The following COTL1 variants were observed in gnomAD, a reference collection of about 807,000 sequenced individuals.
COTL1 encodes coactosin like F-actin binding protein 1, also known as coactosin-like protein.
A neutral mutation model predicts 16.5 loss-of-function variants in COTL1; 15 were observed. That is an observed-to-expected ratio of 0.91 (90% CI 0.61 to 1.40). COTL1 has a LOEUF of 1.40. Among genes scored for constraint, COTL1 ranks in the 40% most tolerant of loss-of-function variants. COTL1 has a pLI of 0.00. For missense variants in COTL1, 220 were observed against 201.5 expected (o/e 1.09, Z -0.56); for synonymous variants, 112 against 85.3 (o/e 1.31, Z -1.73).
intron 3 of COTL1, among the ~76,000 whole-genome samples, chr16:84,578,042 C>T (rs1220029101): frequency 6.6e-6 from 1 of 152,150 alleles, no homozygotes; most frequent in Admixed American, 6.5e-5. Flanking sequence ...ACATACTCTC[C>T]TCTCTCCGGT....
intron 3 of COTL1, among the ~76,000 whole-genome samples, chr16:84,573,737 T>C (rs1383678989): frequency 1.4e-5 from 1 of 72,374 alleles, no homozygotes. Flanking sequence ...CGAAACTCTG[T>C]CTCAAAAAAA....
chr16:84,592,840 C>G (rs1159065940), intron 2 of COTL1, among the ~76,000 whole-genome samples: 1 of 152,114 alleles, frequency 6.6e-6, no homozygotes, highest in Non-Finnish European at 1.5e-5. Flanking sequence ...TCCATTTGTC[C>G]CCGGGAGCTA....
chr16:84,587,837 T>C (rs957869449), intron 3 of COTL1, among the ~76,000 whole-genome samples: 1 of 152,036 alleles, frequency 6.6e-6, no homozygotes, highest in African/African-American at 2.4e-5. Flanking sequence ...AAAGGCTAGA[T>C]CTTGGCTCAC....
chr16:84,585,330 G>C (rs28503369), intron 3 of COTL1, among the ~76,000 whole-genome samples: 1 of 149,412 alleles, frequency 6.7e-6, no homozygotes, highest in African/African-American at 2.5e-5. Context: ...ACTCCAGACT[G>C]GGTGACAGAG....
intron 2 of COTL1, among the ~76,000 whole-genome samples, chr16:84,615,305 C>T (rs954680573): frequency 6.6e-6 from 1 of 152,384 alleles, no homozygotes; most frequent in East Asian, 1.9e-4. Flanking sequence ...AGACACGCGC[C>T]ACTCCCCACT....
At chr16:84,603,910 C>T (rs1175854765) in intron 2 of COTL1, among the ~76,000 whole-genome samples, 3 of 151,636 alleles carry the variant, frequency 2.0e-5, no homozygotes, top group East Asian at 3.9e-4. Context: ...ACATGGCTCC[C>T]GGGGCCACTG....
At chr16:84,609,202 T>C (rs2150696425) in intron 2 of COTL1, among the ~76,000 whole-genome samples, 1 of 152,344 alleles carries the variant, frequency 6.6e-6, no homozygotes, top group East Asian at 1.9e-4. Context: ...TCTCTGTGTG[T>C]TGTATTGCCA....
chr16:84,593,055 G>A (rs554762711), intron 2 of COTL1, among the ~76,000 whole-genome samples: 2 of 152,214 alleles, frequency 1.3e-5, no homozygotes, highest in Admixed American at 6.5e-5. Context: ...AGGTAGAGAC[G>A]TCATGGCCAC....
chr16:84,578,949 G>C (rs1904515543), intron 3 of COTL1, among the ~76,000 whole-genome samples: 1 of 148,216 alleles, frequency 6.7e-6, no homozygotes. Flanking sequence ...ACACACAGGT[G>C]CACACAGGTA....
chr16:84,577,388 G>T (rs1904477680), intron 3 of COTL1, among the ~76,000 whole-genome samples: 1 of 152,194 alleles, frequency 6.6e-6, no homozygotes, highest in African/African-American at 2.4e-5. Flanking sequence ...GGGACTACAG[G>T]CATGCGCCAT....
chr16:84,613,726 G>A (rs1194431418), intron 2 of COTL1, among the ~76,000 whole-genome samples: 1 of 152,232 alleles, frequency 6.6e-6, no homozygotes, highest in African/African-American at 2.4e-5. Context: ...GGAAAGCAGA[G>A]ATGTTAAGGG....
intron 3 of COTL1, among the ~76,000 whole-genome samples, chr16:84,588,106 G>T (rs1334802973): frequency 4.6e-5 from 7 of 152,002 alleles, no homozygotes; most frequent in Non-Finnish European, 7.4e-5. Flanking sequence ...TTTTATTAGG[G>T]GCTGGGCGTG....
At position 84,570,483 on chromosome 16, in the gene COTL1, CA is replaced by C. The variant is rs71823059; in HGVS notation, c.319-3529del. ...TTTAAAAATGCTATGTTTCAAACTA[CA>C]AAAAAAAAACCCTCAAACCTTGTAC... is the stretch of plus-strand genomic sequence containing the variant. On this transcript the variant is annotated intron_variant, in intron 3 of 3. Transcript: ENST00000262428. 1.8e-4 allele frequency among the ~76,000 whole-genome samples: 26 copies of C among 147,372 alleles called. No individual in the cohort carries two copies. In the East Asian group the frequency reaches 2.0e-3, roughly 11 times the overall value.
At chr16:84,598,823 G>A (rs1451665113) in intron 2 of COTL1, among the ~76,000 whole-genome samples, 1 of 147,748 alleles carries the variant, frequency 6.8e-6, no homozygotes, top group Non-Finnish European at 1.5e-5. Flanking sequence ...AGCGGCAGGG[G>A]TGGGGGGGAG....
intron 2 of COTL1, among the ~76,000 whole-genome samples, chr16:84,603,728 A>G (rs1905150681): frequency 1.3e-5 from 2 of 152,082 alleles, no homozygotes; most frequent in South Asian, 4.1e-4. Flanking sequence ...AGGGCTGCTC[A>G]GGGCCTGTGG....
intron 2 of COTL1, chr16:84,596,193 G>A (rs914821749): frequency 6.6e-6 from 1 of 152,430 alleles, no homozygotes; most frequent in South Asian, 2.1e-4. Context: ...ACAGGTACCA[G>A]AGACAGATGC....
chr16:84,616,558 G>A (rs925716359), intron 2 of COTL1: 1 of 149,084 alleles, frequency 6.7e-6, no homozygotes, highest in Non-Finnish European at 1.5e-5. Flanking sequence ...TCTGGCTCAG[G>A]GTCCACGCCG....
intron 2 of COTL1, among the ~76,000 whole-genome samples, chr16:84,608,163 G>C (rs1046953913): frequency 6.6e-6 from 1 of 152,160 alleles, no homozygotes; most frequent in African/African-American, 2.4e-5. Flanking sequence ...GGTGTGGGTG[G>C]GCACCAGAAT....
intron 3 of COTL1, chr16:84,575,863 G>C (rs1386580735): frequency 6.6e-6 from 1 of 152,208 alleles, no homozygotes; most frequent in Non-Finnish European, 1.5e-5. Context: ...GCTGTTGGGA[G>C]GGTCGTATGA....
Sources: allele counts gnomAD v4.1 joint callset (sites outside exome capture counted in the v4.1 genomes callset), GRCh38; gene constraint gnomAD v4.1.1; transcripts MANE v1.5; gene names NCBI Gene and HGNC (gene_info 2026-07-23, HGNC 2026-07-21).